Variants in NLGN1 observed in about 807,000 individuals in gnomAD.
NLGN1 encodes the protein neuroligin-1.
NLGN1 carries 12 observed loss-of-function variants against 65.5 expected under a neutral mutation model. The observed-to-expected ratio is 0.18, with a 90% CI of 0.12 to 0.30. NLGN1 has a LOEUF of 0.30. Ranked by LOEUF, NLGN1 falls within the 10% of genes least tolerant of loss-of-function variation. NLGN1 has a pLI of 1.00. For synonymous variants in NLGN1, 350 were observed against 359.5 expected (o/e 0.97, Z 0.30); for missense variants, 750 against 1,007.1 (o/e 0.74, Z 3.46).
At chr3:173,482,657 A>G (rs1727493551) in intron 2 of NLGN1, among the ~76,000 whole-genome samples, 1 of 151,986 alleles carries the variant, frequency 6.6e-6, no homozygotes, top group South Asian at 2.1e-4. Flanking sequence ...AGGGAAGATC[A>G]TTCTGAGACG....
At chr3:173,952,967 C>T (rs187837488) in intron 4 of NLGN1, among the ~76,000 whole-genome samples, 70 of 152,028 alleles carry the variant, frequency 4.6e-4, no homozygotes, top group African/African-American at 1.6e-3. Flanking sequence ...TTAGTAGAGA[C>T]GGGGTTTCAC....
exon 7 of NLGN1, chr3:174,282,157 T>C (rs1751612098): frequency 6.6e-6 from 1 of 152,426 alleles, no homozygotes; most frequent in African/African-American, 2.4e-5. Context: ...CTCGCTGATA[T>C]GAATCCCAGA....
At chr3:174,120,969 C>T (rs1345410274) in intron 4 of NLGN1, among the ~76,000 whole-genome samples, 1 of 152,112 alleles carries the variant, frequency 6.6e-6, no homozygotes, top group African/African-American at 2.4e-5. Flanking sequence ...TCTGTATCTG[C>T]AGAACAATAG....
intron 2 of NLGN1, among the ~76,000 whole-genome samples, chr3:173,549,855 T>A (rs759456546): frequency 1.4e-4 from 21 of 152,114 alleles, no homozygotes; most frequent in African/African-American, 4.8e-5. Context: ...CACTCTATTA[T>A]GGAAGTCAGT....
chr3:173,455,973 G>T (rs1314494870), intron 2 of NLGN1, among the ~76,000 whole-genome samples: 3 of 152,020 alleles, frequency 2.0e-5, no homozygotes, highest in African/African-American at 7.2e-5. Context: ...CAGGCAGAAA[G>T]CAAATTGAAC....
intron 3 of NLGN1, among the ~76,000 whole-genome samples, chr3:173,802,219 T>A (rs189516667): frequency 6.6e-6 from 1 of 152,232 alleles, no homozygotes; most frequent in East Asian, 1.9e-4. Context: ...TGAGCGATCA[T>A]AGCTAGGCCA....
intron 4 of NLGN1, among the ~76,000 whole-genome samples, chr3:174,022,523 G>A (rs1727950557): frequency 6.6e-6 from 1 of 152,174 alleles, no homozygotes; most frequent in African/African-American, 2.4e-5. Flanking sequence ...GTGTCCTGGA[G>A]TCAGTTGTTG....
At chr3:173,729,165 A>C (rs1772361933) in intron 3 of NLGN1, among the ~76,000 whole-genome samples, 1 of 152,076 alleles carries the variant, frequency 6.6e-6, no homozygotes, top group African/African-American at 2.4e-5. Context: ...TTAAAATATC[A>C]GTTGGACTTA....
At chr3:173,879,915 A>G (rs987938401) in intron 4 of NLGN1, among the ~76,000 whole-genome samples, 7 of 152,294 alleles carry the variant, frequency 4.6e-5, no homozygotes, top group Non-Finnish European at 7.4e-5. Context: ...TCTCAAGTGT[A>G]TTTTAAAATA....
At chr3:173,877,753 G>C (rs1348876096) in intron 4 of NLGN1, among the ~76,000 whole-genome samples, 2 of 152,116 alleles carry the variant, frequency 1.3e-5, no homozygotes, top group African/African-American at 4.8e-5. Flanking sequence ...CCAATTTTAA[G>C]ATAACAGCTA....
At chr3:173,967,122 C>T (rs1018542539) in intron 4 of NLGN1, among the ~76,000 whole-genome samples, 1 of 152,148 alleles carries the variant, frequency 6.6e-6, no homozygotes, top group African/African-American at 2.4e-5. Context: ...CTGGGCTAGA[C>T]ATGTATGGAA....
chr3:173,940,529 A>G (rs1015092493), intron 4 of NLGN1, among the ~76,000 whole-genome samples: 9 of 152,170 alleles, frequency 5.9e-5, no homozygotes, highest in African/African-American at 2.2e-4. Context: ...TTTATATAAA[A>G]CTACAGATTT....
intron 4 of NLGN1, among the ~76,000 whole-genome samples, chr3:173,893,241 T>A (rs149660114): frequency 7.7e-4 from 117 of 152,286 alleles, no homozygotes; most frequent in African/African-American, 2.8e-3. Context: ...GAAACCTGGA[T>A]GTCAGCCATG....
At position 174,225,497 on chromosome 3, in the gene NLGN1, C is replaced by T. The variant is rs544883038; in HGVS notation, c.647-49818C>T. ...CTGTAATCCCAGCACTTTGGGAGGC[C>T]GAGGCAGGCGGATCATGAGGTCAGG... On this transcript the variant is annotated intron_variant, in intron 4 of 6. Coordinates refer to ENST00000457714, the Ensembl canonical transcript of NLGN1. Among the ~76,000 whole-genome samples the T allele has an allele frequency of 1.2e-3, 190 of 152,194 alleles. 1 individual carries two copies. Among genetic ancestry groups the T allele is most frequent in the African/African-American group, 4.1e-3 (172 of 41,522 alleles).
At position 174,220,536 on chromosome 3, in the gene NLGN1, G is replaced by A. The variant is rs545627138; in HGVS notation, c.647-54779G>A. Among the ~76,000 whole-genome samples, 16 of 152,144 alleles carry A rather than the reference G, an allele frequency of 1.1e-4. No homozygotes were observed. In the East Asian group the frequency reaches 1.4e-3, roughly 13 times the overall value. ...CTTGAAGACAAATTTAGACCAAGAC[G>A]ACATTATTTCAAAAATAATAATGAA... On this transcript the variant is annotated intron_variant, in intron 4 of 6. Transcript: ENST00000457714.
At chr3:173,530,408 G>T (rs1444936321) in intron 2 of NLGN1, among the ~76,000 whole-genome samples, 1 of 152,116 alleles carries the variant, frequency 6.6e-6, no homozygotes, top group African/African-American at 2.4e-5. Context: ...GAAGAGAGAG[G>T]GTGTGGATGA....
chr3:173,900,720 C>T (rs1201364798), intron 4 of NLGN1, among the ~76,000 whole-genome samples: 2 of 151,900 alleles, frequency 1.3e-5, no homozygotes, highest in Non-Finnish European at 2.9e-5. Flanking sequence ...ATGCAAAGTA[C>T]AAAGATCCAG....
At chr3:173,748,739 A>G (rs1449587787) in intron 3 of NLGN1, among the ~76,000 whole-genome samples, 1 of 152,092 alleles carries the variant, frequency 6.6e-6, no homozygotes, top group African/African-American at 2.4e-5. Context: ...CTATGTAGAT[A>G]TCTTCTTATC....
chr3:173,441,973 T>C (rs1213194944), intron 2 of NLGN1, among the ~76,000 whole-genome samples: 1 of 152,204 alleles, frequency 6.6e-6, no homozygotes, highest in East Asian at 1.9e-4. Flanking sequence ...TTTAATATTT[T>C]GAAATGAACC....
Sources: gnomAD v4.1 joint callset for allele counts (sites outside exome capture counted in the v4.1 genomes callset) on GRCh38, gnomAD v4.1.1 for gene constraint, MANE v1.5 for transcripts, NCBI Gene and HGNC (gene_info 2026-07-23, HGNC 2026-07-21) for gene names.